Variants in PKIB observed in about 807,000 individuals in gnomAD.
PKIB encodes the protein PKI-beta.
In PKIB, 2 loss-of-function variants were observed where a neutral mutation model predicts 4.5. That is an observed-to-expected ratio of 0.44 (90% CI 0.18 to 1.39). The LOEUF is 1.39. Ranked by LOEUF, PKIB falls within the 40% of genes most tolerant of loss-of-function variation. PKIB has a pLI of 0.27. For missense variants in PKIB, 94 were observed against 92.6 expected (o/e 1.02, Z -0.06); for synonymous variants, 38 against 36.0 (o/e 1.06, Z -0.20).
chr6:122,499,838 A>G (rs1178687410), intron 2 of PKIB, among the ~76,000 whole-genome samples: 3 of 152,212 alleles, frequency 2.0e-5, no homozygotes, highest in African/African-American at 7.2e-5. Context: ...AAAGCCTCCT[A>G]GAACTGAAAA....
chr6:122,579,347 C>A (rs1773640138), intron 2 of PKIB, among the ~76,000 whole-genome samples: 1 of 152,114 alleles, frequency 6.6e-6, no homozygotes, highest in Non-Finnish European at 1.5e-5. Flanking sequence ...CTCCTCTATC[C>A]CATATGCCCT....
At chr6:122,546,257 T>C (rs1772489596) in intron 2 of PKIB, among the ~76,000 whole-genome samples, 1 of 152,062 alleles carries the variant, frequency 6.6e-6, no homozygotes, top group Non-Finnish European at 1.5e-5. Context: ...CTTCAGAGCA[T>C]GCATAGCATG....
intron 1 of PKIB, among the ~76,000 whole-genome samples, chr6:122,473,784 C>T (rs554297555): frequency 2.8e-4 from 42 of 152,320 alleles, no homozygotes; most frequent in African/African-American, 8.4e-4. Flanking sequence ...CTGTAGCACA[C>T]GTATAACTTA....
At chr6:122,619,337 A>G (rs1282081282) in intron 1 of PKIB, among the ~76,000 whole-genome samples, 1 of 152,094 alleles carries the variant, frequency 6.6e-6, no homozygotes, top group Non-Finnish European at 1.5e-5. Context: ...TTTTGTTTCT[A>G]TTTAAAATTT....
chr6:122,556,643 G>A (rs923855509), intron 2 of PKIB, among the ~76,000 whole-genome samples: 1 of 152,152 alleles, frequency 6.6e-6, no homozygotes. Flanking sequence ...CAGAGATGCT[G>A]TATGGAACCT....
At chr6:122,725,012 C>T (rs1341565918) in intron 4 of PKIB, 116 bp from the exon 5 acceptor site, 3 of 743,976 alleles carry the variant, frequency 4.0e-6, no homozygotes, top group Non-Finnish European at 6.7e-6. Flanking sequence ...GTTTCCATAT[C>T]TGAATTGAGG....
chr6:122,473,793 T>TA (rs1400077409), intron 1 of PKIB, among the ~76,000 whole-genome samples: 3 of 152,230 alleles, frequency 2.0e-5, no homozygotes, highest in African/African-American at 7.2e-5. Context: ...ACGTATAACT[T>TA]ACAATGCCAA....
At chr6:122,702,934 TGTC>T (rs1352648790) in intron 3 of PKIB, among the ~76,000 whole-genome samples, 2 of 152,196 alleles carry the variant, frequency 1.3e-5, no homozygotes, top group African/African-American at 4.8e-5. Flanking sequence ...TGAAGCATGA[TGTC>T]GTGTACTTTC....
chr6:122,536,094 C>T (rs1370846144), intron 2 of PKIB, among the ~76,000 whole-genome samples: 3 of 152,144 alleles, frequency 2.0e-5, no homozygotes, highest in African/African-American at 4.8e-5. Flanking sequence ...CATGTGCCAC[C>T]ATGCCCAGCT....
At chr6:122,484,232 A>G (rs1562224623) in intron 2 of PKIB, 1 of 152,200 alleles carries the variant, frequency 6.6e-6, no homozygotes, top group Non-Finnish European at 1.5e-5. Flanking sequence ...TATACTTTTA[A>G]ATACTATTCT....
intron 3 of PKIB, among the ~76,000 whole-genome samples, chr6:122,711,191 G>A (rs754373919): frequency 2.0e-5 from 3 of 151,986 alleles, no homozygotes; most frequent in Non-Finnish European, 2.9e-5. Context: ...TCAAGCTAAT[G>A]TATTAAAAAG....
chr6:122,579,669 A>G (rs993590515), intron 2 of PKIB, among the ~76,000 whole-genome samples: 2 of 152,176 alleles, frequency 1.3e-5, no homozygotes, highest in African/African-American at 4.8e-5. Context: ...AAAGTACTAT[A>G]CAACAAAATG....
At chr6:122,593,403 A>G (rs1774074752) in intron 3 of PKIB, among the ~76,000 whole-genome samples, 1 of 152,198 alleles carries the variant, frequency 6.6e-6, no homozygotes, top group South Asian at 2.1e-4. Context: ...GACATTCATT[A>G]ATAAGGAACC....
At chr6:122,606,578 G>C (rs7766455), upstream of PKIB, among the ~76,000 whole-genome samples, 1 of 13,224 alleles carries the variant, frequency 7.6e-5, no homozygotes. Flanking sequence ...TCTCAAAAAA[G>C]AAAAAAAAAG....
intron 2 of PKIB, among the ~76,000 whole-genome samples, chr6:122,549,819 A>G (rs1228476820): frequency 6.8e-6 from 1 of 148,058 alleles, no homozygotes; most frequent in Non-Finnish European, 1.5e-5. Flanking sequence ...TCTAAATAGT[A>G]TATATATATA....
intron 3 of PKIB, among the ~76,000 whole-genome samples, chr6:122,689,304 G>T (rs7763953): frequency 0.48 from 72,204 of 151,778 alleles, 17,950 homozygotes; most frequent in Non-Finnish European, 0.56. Context: ...TCTACTAATT[G>T]TGGGTTCAGT....
At chr6:122,487,100 T>C (rs1474566537) in intron 2 of PKIB, among the ~76,000 whole-genome samples, 1 of 152,216 alleles carries the variant, frequency 6.6e-6, no homozygotes, top group Non-Finnish European at 1.5e-5. Flanking sequence ...GGTAAAATGC[T>C]TCTTTCTACA....
At chr6:122,675,871 C>T (rs1478955619) in intron 3 of PKIB, among the ~76,000 whole-genome samples, 2 of 151,754 alleles carry the variant, frequency 1.3e-5, no homozygotes, top group East Asian at 3.9e-4. Flanking sequence ...AGCAAATAAT[C>T]AGCATATTGA....
At chr6:122,643,543 T>G (rs941598562) in intron 2 of PKIB, 4 of 152,356 alleles carry the variant, frequency 2.6e-5, no homozygotes, top group Admixed American at 1.3e-4. Context: ...AAGTTTCAAG[T>G]TTCACTTAAT....
Sources: gnomAD v4.1 joint callset for allele counts (sites outside exome capture counted in the v4.1 genomes callset) on GRCh38, gnomAD v4.1.1 for gene constraint, MANE v1.5 for transcripts, NCBI Gene and HGNC (gene_info 2026-07-23, HGNC 2026-07-21) for gene names.